The following KIF5A variants were observed in gnomAD, a reference collection of about 807,000 sequenced individuals.
KIF5A encodes kinesin family member 5A.
A neutral mutation model predicts 141.3 loss-of-function variants in KIF5A; 35 were observed. That is an observed-to-expected ratio of 0.25 (90% CI 0.19 to 0.33). The LOEUF is 0.33. KIF5A is among the 10% of genes least tolerant of loss of function. The pLI is 1.00. For missense variants in KIF5A, 861 were observed against 1,314.3 expected (o/e 0.66, Z 5.33); for synonymous variants, 448 against 500.2 (o/e 0.90, Z 1.39).
chr12:57,583,310 T>TA (rs397957208), intron 28 of KIF5A, 95 bp downstream of exon 28: 17 of 727,250 alleles, frequency 2.3e-5, no homozygotes, highest in South Asian at 6.4e-5. Flanking sequence ...TTTTTTTTTT[T>TA]ATCACCTCAA....
rs750550212 is a variant in KIF5A, at chr12:57,570,108, G to A, written c.1239G>A (p.Glu413=). 1.9e-6 allele frequency: 3 copies of A among 1,614,204 alleles called. No homozygotes were observed. The highest frequency in any genetic ancestry group is 2.5e-6 in the Non-Finnish European group (3 of 1,180,038). The change falls in exon 12 of 29, where the codon GAG becomes GAA. Residue 413 remains glutamate, a synonymous_variant. Coordinates refer to ENST00000455537, the MANE Select transcript of KIF5A (RefSeq NM_004984.4). ...SSIVVRIAPE[E]RQKYEEEIRR... ...TCGTGGTGCGCATCGCGCCCGAGGA[G>A]CGGCAGAAATACGAGGAGGAGATCC... is the stretch of plus-strand genomic sequence containing the variant.
Position 57,550,444 on chromosome 12 carries a change from T to C in KIF5A, c.129+44T>C. The C allele has an allele frequency of 6.2e-7, 1 of 1,605,232 alleles. No homozygotes were observed. The highest frequency in any genetic ancestry group is 8.5e-7 in the Non-Finnish European group (1 of 1,172,968). On this transcript the variant is annotated intron_variant, in intron 1 of 28. Coordinates refer to ENST00000455537, the MANE Select transcript of KIF5A (RefSeq NM_004984.4). The surrounding 1 kb of genome is among the most constrained non-coding windows in gnomAD (Gnocchi z 4.6). ...GGAATTCGGGGAGGGGGCAGGTGGC[T>C]GAATCTCCCCGCCCCCCGCAGAGCC...
intron 1 of KIF5A, among the ~76,000 whole-genome samples, chr12:57,551,891 TC>T (rs1881586250): frequency 6.6e-6 from 1 of 152,002 alleles, no homozygotes; most frequent in African/African-American, 2.4e-5. Context: ...TCTCTCTCTC[TC>T]TCTCTCTCTC....
In KIF5A at chr12:57,581,372, A is replaced by G. The variant is rs775246; in HGVS notation, c.2756-43A>G. The G allele has an allele frequency of 4.3e-6, 7 of 1,611,366 alleles. No individual in the cohort carries two copies. The African/African-American group carries it at 9.3e-5, about 22-fold the overall frequency. ...TGACCTCAGGGACCAGGGCAAATGC[A>G]GGGTCATAGCCTCCTCATGGTTGTT... is the stretch of plus-strand genomic sequence containing the variant. On this transcript the variant is annotated intron_variant, in intron 24 of 28. Coordinates refer to ENST00000455537, the MANE Select transcript of KIF5A (RefSeq NM_004984.4).
intron 12 of KIF5A, 101 bp from the exon 13 acceptor site, chr12:57,571,220 C>T (rs758342778): frequency 2.6e-6 from 2 of 782,396 alleles, no homozygotes. Flanking sequence ...CTTATACTAT[C>T]TGGATTTTTA....
In KIF5A at chr12:57,586,563, C is replaced by CA. The variant is rs1882766090; in HGVS notation, c.*2384dup. The CA allele has an allele frequency of 6.6e-6, 1 of 152,212 alleles. No homozygotes were observed. The highest frequency in any genetic ancestry group is 6.5e-5 in the Admixed American group (1 of 15,276). The allele number at this position is 152,212 out of a possible 1,614,324, so 9.4% of individuals were successfully genotyped here. ...AGCGTGGAAGACAAACCAAACTGCG[C>CA]AACCCCCTGTGTGTATTTACTTGGT... On this transcript the variant is annotated 3_prime_UTR_variant, in exon 29 of 29. Coordinates refer to ENST00000455537, the MANE Select transcript of KIF5A (RefSeq NM_004984.4).
intron 12 of KIF5A, 37 bp from the exon 13 acceptor site, chr12:57,571,284 C>T: frequency 7.9e-7 from 1 of 1,267,838 alleles, no homozygotes; most frequent in Non-Finnish European, 1.2e-6. Flanking sequence ...GAAGGAGTAG[C>T]TTCCCTTCAC....
intron 1 of KIF5A, among the ~76,000 whole-genome samples, chr12:57,559,895 T>A (rs1307016634): frequency 6.6e-6 from 1 of 152,234 alleles, no homozygotes; most frequent in African/African-American, 2.4e-5. Flanking sequence ...TTAATTTTAT[T>A]TATTTATTTT....
intron 13 of KIF5A, 63 bp from the exon 14 acceptor site, chr12:57,571,998 C>A: frequency 6.9e-7 from 1 of 1,446,482 alleles, no homozygotes. Context: ...CTTCCCAGAC[C>A]CAAGGCCATA....
chr12:57,568,878 C>T (rs769695758), intron 8 of KIF5A, 85 bp from the exon 9 acceptor site: 112 of 861,670 alleles, frequency 1.3e-4, no homozygotes, highest in Admixed American at 1.3e-4. Flanking sequence ...TTCCTTCCTC[C>T]GTGGACTGAG....
chr12:57,551,809 G>A (rs1350948470), intron 1 of KIF5A, among the ~76,000 whole-genome samples: 2 of 151,902 alleles, frequency 1.3e-5, no homozygotes, highest in African/African-American at 4.8e-5. Flanking sequence ...CAGTCCCCAA[G>A]GGCCCCAGTC....
chr12:57,583,069 T>C, intron 27 of KIF5A, 32 bp from the exon 28 acceptor site: 1 of 1,566,794 alleles, frequency 6.4e-7, no homozygotes, highest in Non-Finnish European at 8.8e-7. Flanking sequence ...TTAATTTCTA[T>C]GGAGCTGATC....
intron 25 of KIF5A, 34 bp downstream of exon 25, chr12:57,581,602 C>T: frequency 6.2e-7 from 1 of 1,611,716 alleles, no homozygotes; most frequent in Non-Finnish European, 8.5e-7. Context: ...GGAGTCCCAC[C>T]CAAAGCTCCC....
rs888716712 is a variant in KIF5A at position 57,585,948 on chromosome 12, C to G, written c.*1767C>G. 2 of 132,516 alleles carry G rather than the reference C, an allele frequency of 1.5e-5. No individual in the cohort carries two copies. Among genetic ancestry groups the G allele is most frequent in the African/African-American group, 5.8e-5 (2 of 34,582 alleles). The allele number at this position is 132,516 out of a possible 1,614,324, so 8.2% of individuals were successfully genotyped here. A position where few individuals can be genotyped will look rare whatever the true frequency, so the allele number is the denominator to read the frequency against. On this transcript the variant is annotated 3_prime_UTR_variant, in exon 29 of 29. Coordinates refer to ENST00000455537, the MANE Select transcript of KIF5A (RefSeq NM_004984.4). The stretch of plus-strand genomic sequence containing the variant: ...TTTTTTTTTTTTTGGTGGAAGAAGT[C>G]TCAGCGTCTCTTAGGACTGACTGTT...
Position 57,567,228 on chromosome 12 carries a change from AAGGGGATCTCTCGAGTCTG to A in KIF5A, c.589+19_589+37del. 1 of 1,590,534 alleles carries A rather than the reference AAGGGGATCTCTCGAGTCTG, an allele frequency of 6.3e-7. No individual in the cohort carries two copies. Among genetic ancestry groups the A allele is most frequent in the Non-Finnish European group, 8.6e-7 (1 of 1,159,080 alleles). On this transcript the variant is annotated intron_variant, in intron 7 of 28. Transcript: ENST00000455537. ...GGCTGTCACCAGTGAGTGAGGATAC[AAGGGGATCTCTCGAGTCTG>A]AGGATCCACTTGTGTTCTGTGTCCT...
At chr12:57,555,410 A>G (rs1269463863) in intron 1 of KIF5A, among the ~76,000 whole-genome samples, 1 of 152,170 alleles carries the variant, frequency 6.6e-6, no homozygotes, top group African/African-American at 2.4e-5. Context: ...CCTGAGTATA[A>G]TCAATAGAAA....
chr12:57,578,587 G>A (rs1288024132), intron 23 of KIF5A, among the ~76,000 whole-genome samples: 1 of 152,156 alleles, frequency 6.6e-6, no homozygotes, highest in Non-Finnish European at 1.5e-5. Flanking sequence ...AATTCCCCAG[G>A]CCTACCTTGG....
intron 13 of KIF5A, 49 bp downstream of exon 13, chr12:57,571,438 A>G (rs1469745040): frequency 6.3e-7 from 1 of 1,596,452 alleles, no homozygotes; most frequent in Non-Finnish European, 8.6e-7. Flanking sequence ...TCTGTTCATC[A>G]CTGGAAGGCA....
At chr12:57,579,207 G>A (rs564194437) in intron 23 of KIF5A, among the ~76,000 whole-genome samples, 3 of 152,122 alleles carry the variant, frequency 2.0e-5, no homozygotes, top group Non-Finnish European at 4.4e-5. Context: ...GGTTTCAAAG[G>A]TATGGGCTGG....
Sources: allele counts gnomAD v4.1 joint callset (sites outside exome capture counted in the v4.1 genomes callset), GRCh38; gene constraint gnomAD v4.1.1; non-coding constraint Gnocchi (gnomAD v3.1); transcripts MANE v1.5; gene names NCBI Gene and HGNC (gene_info 2026-07-23, HGNC 2026-07-21).